MAGI2: variants seen among roughly 807,000 people sequenced by gnomAD.
MAGI2 encodes membrane-associated guanylate kinase, WW and PDZ domain-containing protein 2.
MAGI2 carries 35 observed loss-of-function variants against 133.3 expected under a neutral mutation model. The observed-to-expected ratio is 0.26, with a 90% CI of 0.20 to 0.35. MAGI2 has a LOEUF of 0.35. MAGI2 is among the 10% of genes least tolerant of loss of function. The pLI is 1.00. For missense variants in MAGI2, 1,636 were observed against 1,863.4 expected, an observed-to-expected ratio of 0.88 and a Z score of 2.25; for synonymous variants, 729 against 710.6, an observed-to-expected ratio of 1.03 and a Z score of -0.41.
intron 1 of MAGI2, among the ~76,000 whole-genome samples, chr7:79,259,890 T>C (rs1833955201): frequency 6.6e-6 from 1 of 152,220 alleles, no homozygotes; most frequent in Non-Finnish European, 1.5e-5. Context: ...GTTTAAAGAA[T>C]TTCAGAGCTG....
intron 2 of MAGI2, among the ~76,000 whole-genome samples, chr7:78,966,011 A>C (rs1251271814): frequency 1.3e-5 from 2 of 152,052 alleles, no homozygotes; most frequent in East Asian, 3.9e-4. Flanking sequence ...CCATCTACAG[A>C]GAATAATAGA....
chr7:79,385,533 T>C (rs1178130997), intron 1 of MAGI2, among the ~76,000 whole-genome samples: 1 of 151,946 alleles, frequency 6.6e-6, no homozygotes, highest in Non-Finnish European at 1.5e-5. Context: ...TCATCACACA[T>C]TGTAGCAGAA....
At chr7:78,499,851 G>A (rs1442848508) in intron 5 of MAGI2, among the ~76,000 whole-genome samples, 1 of 151,944 alleles carries the variant, frequency 6.6e-6, no homozygotes, top group Non-Finnish European at 1.5e-5. Flanking sequence ...TCTAAGATTT[G>A]TATTTTGACT....
At chr7:78,556,035 T>C (rs1311682751) in intron 3 of MAGI2, among the ~76,000 whole-genome samples, 1 of 152,174 alleles carries the variant, frequency 6.6e-6, no homozygotes. Flanking sequence ...TTAAATTCAA[T>C]ATATGTTAGC....
intron 1 of MAGI2, among the ~76,000 whole-genome samples, chr7:79,137,448 T>C (rs2129545888): frequency 1.0e-5 from 1 of 97,116 alleles, no homozygotes; most frequent in African/African-American, 2.9e-5. Context: ...TGGGTGTTTT[T>C]TGTTTTTTTT....
At chr7:78,064,866 G>A (rs1308422677) in intron 21 of MAGI2, among the ~76,000 whole-genome samples, 1 of 152,014 alleles carries the variant, frequency 6.6e-6, no homozygotes, top group African/African-American at 2.4e-5. Context: ...AAAAATTATG[G>A]GTTACATTTT....
intron 6 of MAGI2, among the ~76,000 whole-genome samples, chr7:78,403,290 T>C (rs6953594): frequency 1.3e-5 from 2 of 151,966 alleles, no homozygotes; most frequent in Non-Finnish European, 2.9e-5. Context: ...TGAGAATGAT[T>C]GTTTCCAGCT....
intron 2 of MAGI2, among the ~76,000 whole-genome samples, chr7:78,757,058 C>T (rs559240040): frequency 6.6e-6 from 1 of 152,284 alleles, no homozygotes; most frequent in Admixed American, 6.5e-5. Flanking sequence ...CCACCATAAT[C>T]TTGCTTCCTT....
rs368284900 is a variant in MAGI2, at chr7:78,943,832, ATAT to A, written c.418+63255_418+63257del. 2.5e-3 allele frequency among the ~76,000 whole-genome samples: 384 copies of A among 152,280 alleles called. 1 individual carries two copies. The highest frequency in any genetic ancestry group is 8.9e-3 in the African/African-American group (370 of 41,566). Reference sequence around the variant, plus strand: ...TTTAAAATATCATGTCTGGAAAATAATATTATCAAGACTGACTTCATTCATTCA... The same window carrying A: ...TTTAAAATATCATGTCTGGAAAATAATATCAAGACTGACTTCATTCATTCA... On this transcript the variant is annotated intron_variant, in intron 2 of 21. Transcript: ENST00000354212.
At chr7:78,177,447 GACAC>G (rs1169626171) in intron 14 of MAGI2, among the ~76,000 whole-genome samples, 1 of 139,262 alleles carries the variant, frequency 7.2e-6, no homozygotes, top group African/African-American at 2.8e-5. Context: ...CACACACACA[GACAC>G]ACACACACAT....
intron 1 of MAGI2, among the ~76,000 whole-genome samples, chr7:79,218,034 T>TA (rs1343599906): frequency 6.6e-6 from 1 of 152,018 alleles, no homozygotes; most frequent in Non-Finnish European, 1.5e-5. Flanking sequence ...AAAAGGTTCA[T>TA]AACTGCTGAC....
intron 2 of MAGI2, among the ~76,000 whole-genome samples, chr7:78,786,648 T>A (rs2151356799): frequency 6.6e-6 from 1 of 152,326 alleles, no homozygotes; most frequent in Non-Finnish European, 1.5e-5. Flanking sequence ...CTTAGGTATC[T>A]CTATGGCTAC....
chr7:78,039,902 A>G (rs1048063236), intron 21 of MAGI2, among the ~76,000 whole-genome samples: 1 of 152,208 alleles, frequency 6.6e-6, no homozygotes, highest in Non-Finnish European at 1.5e-5. Context: ...ATTCTGGCTC[A>G]GTCTTGAAGT....
chr7:78,123,142 C>T (rs1210140044), intron 20 of MAGI2, among the ~76,000 whole-genome samples: 1 of 151,978 alleles, frequency 6.6e-6, no homozygotes, highest in African/African-American at 2.4e-5. Flanking sequence ...TTTATTATTC[C>T]CCTTATTTTC....
chr7:78,118,291 G>A (rs1467059481), intron 20 of MAGI2, among the ~76,000 whole-genome samples: 2 of 152,090 alleles, frequency 1.3e-5, no homozygotes, highest in African/African-American at 4.8e-5. Context: ...CTTGGATTTG[G>A]CAATGACTTT....
chr7:78,687,242 G>C (rs746160456), intron 2 of MAGI2, among the ~76,000 whole-genome samples: 7 of 152,044 alleles, frequency 4.6e-5, no homozygotes, highest in Non-Finnish European at 1.0e-4. Flanking sequence ...TTGATTATAC[G>C]ATCAGGAGTA....
chr7:78,655,195 T>G (rs1464092920), intron 2 of MAGI2, among the ~76,000 whole-genome samples: 2 of 151,712 alleles, frequency 1.3e-5, no homozygotes, highest in African/African-American at 2.4e-5. Context: ...AAAGTGATAG[T>G]ATTACTAAAA....
rs147362182 is a variant in MAGI2 at position 78,333,762 on chromosome 7, C to T, written c.1408+10016G>A. 1.7e-4 allele frequency among the ~76,000 whole-genome samples: 26 copies of T among 152,288 alleles called. 1 individual carries two copies. Among genetic ancestry groups the T allele is most frequent in the Non-Finnish European group, 2.1e-4 (14 of 68,032 alleles). ...ATGAAGCGTGAGTGAAGCCGCCCTG[C>T]GCATGCTAGCCCCAGGAGAGCTTCA... On this transcript the variant is annotated intron_variant, in intron 9 of 21. Coordinates refer to ENST00000354212, the MANE Select transcript of MAGI2 (RefSeq NM_012301.4).
chr7:78,577,548 G>A (rs983980299), intron 3 of MAGI2, among the ~76,000 whole-genome samples: 1 of 152,060 alleles, frequency 6.6e-6, no homozygotes, highest in Non-Finnish European at 1.5e-5. Context: ...ATTTCACCTG[G>A]GTGCAGGTGG....
Sources: allele counts gnomAD v4.1 joint callset (sites outside exome capture counted in the v4.1 genomes callset), GRCh38; gene constraint gnomAD v4.1.1; transcripts MANE v1.5; gene names NCBI Gene and HGNC (gene_info 2026-07-23, HGNC 2026-07-21).